KAZN: variants seen among roughly 807,000 people sequenced by gnomAD.
KAZN encodes the protein kazrin.
A neutral mutation model predicts 87.4 loss-of-function variants in KAZN; 40 were observed. The ratio of observed to expected loss-of-function variants is 0.46; its 90% confidence interval spans 0.36 to 0.60. KAZN has a LOEUF of 0.60. Ranked by LOEUF, KAZN falls within the 20% of genes least tolerant of loss-of-function variation. The probability of loss-of-function intolerance (pLI) is 0.00; values close to 1 mark genes in which losing one functional copy is unlikely to be tolerated. For missense variants in KAZN, 898 were observed against 1,073.9 expected (o/e 0.84, Z 2.29); for synonymous variants, 466 against 458.3 (o/e 1.02, Z -0.22).
chr1:13,904,180 G>A (rs1225827785), intron 1 of KAZN, among the ~76,000 whole-genome samples: 2 of 152,228 alleles, frequency 1.3e-5, no homozygotes, highest in Admixed American at 6.5e-5. Flanking sequence ...AGGGGCAGAA[G>A]GCCGGGCGAG....
chr1:14,617,972 C>A (rs1242684925), intron 1 of KAZN, among the ~76,000 whole-genome samples: 2 of 152,234 alleles, frequency 1.3e-5, no homozygotes, highest in Non-Finnish European at 2.9e-5. Context: ...TCTCCGACAG[C>A]TCATGCATCA....
chr1:14,411,778 C>G (rs918489307), intron 2 of KAZN, among the ~76,000 whole-genome samples: 1 of 152,024 alleles, frequency 6.6e-6, no homozygotes, highest in African/African-American at 2.4e-5. Context: ...CAAATGTGAG[C>G]TGGAACCATA....
chr1:14,171,175 G>C (rs1013087912), intron 1 of KAZN, among the ~76,000 whole-genome samples: 1 of 152,206 alleles, frequency 6.6e-6, no homozygotes, highest in Non-Finnish European at 1.5e-5. Flanking sequence ...ACCACATTTT[G>C]TTAGTCCATG....
At chr1:14,572,164 C>T (rs915162089) in intron 2 of KAZN, among the ~76,000 whole-genome samples, 3 of 152,174 alleles carry the variant, frequency 2.0e-5, no homozygotes, top group Non-Finnish European at 4.4e-5. Flanking sequence ...TTTAGAATAA[C>T]TCAGTAGGTA....
intron 2 of KAZN, among the ~76,000 whole-genome samples, chr1:14,193,043 A>C (rs1050337752): frequency 6.6e-6 from 1 of 152,136 alleles, no homozygotes; most frequent in Admixed American, 6.6e-5. Flanking sequence ...CAGTTCCCCC[A>C]TGCTGTTCTC....
At chr1:14,501,415 T>G (rs1670244571) in intron 2 of KAZN, among the ~76,000 whole-genome samples, 1 of 152,140 alleles carries the variant, frequency 6.6e-6, no homozygotes, top group East Asian at 1.9e-4. Flanking sequence ...TTCAACGAAG[T>G]TGTAAGATAC....
chr1:13,954,241 CCAAA>C (rs1033012773), intron 1 of KAZN, among the ~76,000 whole-genome samples: 12 of 152,282 alleles, frequency 7.9e-5, no homozygotes, highest in Non-Finnish European at 1.5e-4. Flanking sequence ...AACCAACCAA[CCAAA>C]CAAACAAACA....
rs374919105 is a variant in KAZN at position 15,094,986 on chromosome 1, C to G, written c.1547+53C>G. 1,457 of 1,284,360 alleles carry G rather than the reference C, an allele frequency of 1.1e-3. 9 individuals are homozygous for G. In the African/African-American group the frequency reaches 0.019, roughly 16 times the overall value. The allele number at this position is 1,284,360 out of a possible 1,614,324, so 79.6% of individuals were successfully genotyped here. A position where few individuals can be genotyped will look rare whatever the true frequency, so the allele number is the denominator to read the frequency against. On this transcript the variant is annotated intron_variant, in intron 10 of 14. Transcript: ENST00000376030. The surrounding 1 kb of genome is among the most constrained non-coding windows in gnomAD (Gnocchi z 4.5). ...GAGGAGAGAAAAAGTCATCCTGAGG[C>G]CTTTGGTCACACAGGTGGGGTGAGC...
chr1:14,476,726 A>G (rs1668744905), intron 2 of KAZN, among the ~76,000 whole-genome samples: 1 of 152,204 alleles, frequency 6.6e-6, no homozygotes, highest in African/African-American at 2.4e-5. Context: ...CGTAGAGGGA[A>G]GACTGATAGG....
Position 13,960,239 on chromosome 1 carries a change from CA to C in KAZN, c.91+66487del, listed in dbSNP as rs1309874925. 2.0e-5 allele frequency among the ~76,000 whole-genome samples: 3 copies of C among 152,178 alleles called. No individual in the cohort carries two copies. In the East Asian group the frequency reaches 5.8e-4, roughly 29 times the overall value. ...GTGTGCATTACTCATTTAGTCCTCACAAAATCCCTACAAGGACGGCACTATC... is the reference window on the plus strand; with the variant it reads ...GTGTGCATTACTCATTTAGTCCTCACAAATCCCTACAAGGACGGCACTATC... On this transcript the variant is annotated intron_variant, in intron 1 of 16. Coordinates refer to the KAZN transcript ENST00000636203.
intron 2 of KAZN, among the ~76,000 whole-genome samples, chr1:14,514,132 A>T (rs1671073456): frequency 6.8e-6 from 1 of 148,120 alleles, no homozygotes; most frequent in South Asian, 2.2e-4. Context: ...CACCCTGGCT[A>T]ACACAGTGAA....
intron 1 of KAZN, among the ~76,000 whole-genome samples, chr1:14,632,642 T>C (rs957158490): frequency 6.7e-6 from 1 of 150,298 alleles, no homozygotes; most frequent in South Asian, 2.1e-4. Flanking sequence ...CTACAGGTAA[T>C]CATCTCCTTT....
intron 1 of KAZN, chr1:14,929,761 T>C (rs2101564956): frequency 1.0e-6 from 1 of 985,320 alleles, no homozygotes; most frequent in Non-Finnish European, 1.2e-6. Context: ...TCTCCGTGAG[T>C]GCGTCTTATG....
At chr1:14,831,197 T>C (rs1235748897) in intron 1 of KAZN, among the ~76,000 whole-genome samples, 1 of 152,228 alleles carries the variant, frequency 6.6e-6, no homozygotes, top group East Asian at 1.9e-4. Context: ...TCCCTTGTTT[T>C]TGCTTATGCC....
intron 3 of KAZN, among the ~76,000 whole-genome samples, chr1:15,039,666 A>T (rs1043593027): frequency 6.6e-6 from 1 of 152,236 alleles, no homozygotes; most frequent in Non-Finnish European, 1.5e-5. Context: ...ATGTATAGTT[A>T]TCAGATCAGA....
intron 2 of KAZN, among the ~76,000 whole-genome samples, chr1:14,394,241 G>C (rs1039991243): frequency 1.3e-5 from 2 of 152,238 alleles, no homozygotes; most frequent in African/African-American, 2.4e-5. Flanking sequence ...CATTAAGATG[G>C]CATGTGATCT....
intron 1 of KAZN, among the ~76,000 whole-genome samples, chr1:13,914,416 G>A (rs993315357): frequency 4.6e-5 from 7 of 152,226 alleles, no homozygotes; most frequent in South Asian, 2.1e-4. Context: ...TGGCTCAGAC[G>A]CGAGCTAATA....
At chr1:14,078,871 G>C (rs1215128367) in intron 1 of KAZN, among the ~76,000 whole-genome samples, 1 of 152,160 alleles carries the variant, frequency 6.6e-6, no homozygotes, top group African/African-American at 2.4e-5. Flanking sequence ...TTTTAGTAGA[G>C]ACGGGATTTC....
At chr1:14,617,923 T>C (rs1384362569) in intron 1 of KAZN, among the ~76,000 whole-genome samples, 3 of 152,242 alleles carry the variant, frequency 2.0e-5, no homozygotes, top group African/African-American at 7.2e-5. Context: ...TGCCCACTGC[T>C]ATCTGCGCTC....
Sources: allele counts gnomAD v4.1 joint callset (sites outside exome capture counted in the v4.1 genomes callset), GRCh38; gene constraint gnomAD v4.1.1; non-coding constraint Gnocchi (gnomAD v3.1); transcripts MANE v1.5; gene names NCBI Gene and HGNC (gene_info 2026-07-23, HGNC 2026-07-21).